Variants in CSMD1 observed in about 807,000 individuals in gnomAD.
The protein encoded by CSMD1 is CUB and Sushi multiple domains 1, also known as CUB and sushi domain-containing protein 1.
In CSMD1, 213 loss-of-function variants were observed where a neutral mutation model predicts 417.5. The ratio of observed to expected loss-of-function variants is 0.51; its 90% CI spans 0.46 to 0.57. CSMD1 has a LOEUF of 0.57. Ranked by LOEUF, CSMD1 falls within the 20% of genes least tolerant of loss-of-function variation. The pLI is 0.00. For synonymous variants in CSMD1, 2,862 were observed against 1,736.8 expected (o/e 1.65, Z -16.11); for missense variants, 6,923 against 4,529.7 (o/e 1.53, Z -15.17).
chr8:4,448,308 G>A (rs924861891), intron 2 of CSMD1, among the ~76,000 whole-genome samples: 18 of 152,150 alleles, frequency 1.2e-4, no homozygotes, highest in African/African-American at 3.6e-4. Flanking sequence ...CATTTTGTTT[G>A]CCGATCTAGG....
intron 5 of CSMD1, among the ~76,000 whole-genome samples, chr8:3,966,679 C>G (rs954981984): frequency 6.6e-6 from 1 of 152,110 alleles, no homozygotes; most frequent in Non-Finnish European, 1.5e-5. Context: ...TTCATGCTAT[C>G]TGCCACCACA....
At chr8:3,000,171 T>G in intron 52 of CSMD1, 40 bp from the exon 53 acceptor site, 1 of 1,460,120 alleles carries the variant, frequency 6.8e-7, no homozygotes, top group Non-Finnish European at 9.3e-7. Context: ...AGAGTGTCTG[T>G]CATTTATAAA....
At chr8:3,784,269 A>G (rs1023277283) in intron 5 of CSMD1, among the ~76,000 whole-genome samples, 2 of 152,338 alleles carry the variant, frequency 1.3e-5, no homozygotes, top group South Asian at 4.1e-4. Context: ...GGACCTTGCT[A>G]GATTACTAAA....
At chr8:4,792,577 C>A (rs1046932162) in intron 1 of CSMD1, among the ~76,000 whole-genome samples, 2 of 152,150 alleles carry the variant, frequency 1.3e-5, no homozygotes, top group Admixed American at 6.5e-5. Flanking sequence ...GTTGTCAGCA[C>A]GTCCATGCAA....
chr8:3,187,259 AG>A (rs1796113186), intron 36 of CSMD1, among the ~76,000 whole-genome samples: 1 of 152,208 alleles, frequency 6.6e-6, no homozygotes, highest in African/African-American at 2.4e-5. Flanking sequence ...ATGCATCTGG[AG>A]GCAGGATATC....
intron 3 of CSMD1, among the ~76,000 whole-genome samples, chr8:4,285,074 T>C (rs893914342): frequency 6.6e-6 from 1 of 152,182 alleles, no homozygotes; most frequent in Non-Finnish European, 1.5e-5. Flanking sequence ...GAATGATGCC[T>C]AGTGTGTAGG....
intron 55 of CSMD1, among the ~76,000 whole-genome samples, chr8:2,977,269 C>G (rs1462874935): frequency 6.6e-6 from 1 of 152,078 alleles, no homozygotes; most frequent in African/African-American, 2.4e-5. Context: ...CTCCCCCTAC[C>G]CTACTGACAG....
intron 2 of CSMD1, among the ~76,000 whole-genome samples, chr8:4,635,105 A>G (rs999001849): frequency 3.3e-5 from 5 of 152,200 alleles, no homozygotes; most frequent in African/African-American, 7.2e-5. Context: ...TATTTCAAAC[A>G]AAAAATTGTC....
At chr8:4,749,132 A>G (rs901374611) in intron 1 of CSMD1, among the ~76,000 whole-genome samples, 3 of 152,354 alleles carry the variant, frequency 2.0e-5, no homozygotes, top group Admixed American at 2.0e-4. Context: ...GCCACATCTA[A>G]TATTGTCATG....
chr8:3,638,912 T>G (rs950200949), intron 7 of CSMD1, among the ~76,000 whole-genome samples: 1 of 152,186 alleles, frequency 6.6e-6, no homozygotes, highest in Non-Finnish European at 1.5e-5. Context: ...GGACTCCGAA[T>G]AGCCTGATAT....
intron 7 of CSMD1, among the ~76,000 whole-genome samples, chr8:3,629,971 T>C (rs1265334845): frequency 1.3e-5 from 2 of 152,226 alleles, no homozygotes; most frequent in African/African-American, 4.8e-5. Context: ...ATTTAAAAAC[T>C]GGCAAAAAAT....
At chr8:3,257,745 G>T (rs1377309305) in intron 26 of CSMD1, among the ~76,000 whole-genome samples, 4 of 152,078 alleles carry the variant, frequency 2.6e-5, no homozygotes. Context: ...GACATTTCTG[G>T]GGCTGGAGCT....
intron 5 of CSMD1, among the ~76,000 whole-genome samples, chr8:3,828,554 A>T (rs1345017679): frequency 6.6e-6 from 1 of 152,204 alleles, no homozygotes; most frequent in African/African-American, 2.4e-5. Flanking sequence ...CTTGTGTCTT[A>T]CAGAACTTGT....
chr8:4,734,841 G>A (rs1021166178), intron 1 of CSMD1, among the ~76,000 whole-genome samples: 2 of 152,130 alleles, frequency 1.3e-5, no homozygotes, highest in African/African-American at 4.8e-5. Context: ...TCTGTGGACT[G>A]AACTCTCCTT....
At chr8:4,138,853 T>C (rs996546766) in intron 3 of CSMD1, among the ~76,000 whole-genome samples, 5 of 152,326 alleles carry the variant, frequency 3.3e-5, no homozygotes, top group African/African-American at 9.6e-5. Flanking sequence ...AAAGTTAATA[T>C]ATTGTGAATT....
chr8:4,322,817 A>C (rs1401534267), intron 3 of CSMD1, among the ~76,000 whole-genome samples: 3 of 152,166 alleles, frequency 2.0e-5, no homozygotes, highest in Non-Finnish European at 4.4e-5. Context: ...CAACATGGTG[A>C]AACCCCAACT....
chr8:4,097,873 C>G (rs1388630512), intron 3 of CSMD1, among the ~76,000 whole-genome samples: 1 of 152,178 alleles, frequency 6.6e-6, no homozygotes. Context: ...GTGACTACGT[C>G]TATCCATGGG....
chr8:3,547,332 G>A (rs185095479), intron 10 of CSMD1, among the ~76,000 whole-genome samples: 2 of 152,210 alleles, frequency 1.3e-5, no homozygotes, highest in South Asian at 2.1e-4. Flanking sequence ...TTCTAAGTGA[G>A]AATGTAAAAT....
intron 3 of CSMD1, among the ~76,000 whole-genome samples, chr8:4,384,291 T>G (rs1431597708): frequency 6.6e-6 from 1 of 152,144 alleles, no homozygotes; most frequent in Non-Finnish European, 1.5e-5. Flanking sequence ...CTTAGCCAAT[T>G]AAGATCCATA....
Sources: allele counts gnomAD v4.1 joint callset (sites outside exome capture counted in the v4.1 genomes callset), GRCh38; gene constraint gnomAD v4.1.1; transcripts MANE v1.5; gene names NCBI Gene and HGNC (gene_info 2026-07-23, HGNC 2026-07-21).